HLCS: variants seen among roughly 807,000 people sequenced by gnomAD.
HLCS encodes holocarboxylase synthetase.
Under a neutral mutation model 75.0 loss-of-function variants are expected in HLCS, and 53 were observed. The ratio of observed to expected loss-of-function variants is 0.71; its 90% CI spans 0.57 to 0.89. HLCS has a LOEUF of 0.89. Ranked by LOEUF, HLCS falls within the 40% of genes least tolerant of loss-of-function variation. The pLI, the probability that HLCS is intolerant of heterozygous loss-of-function variation, is 0.00. For synonymous variants in HLCS, 431 were observed against 428.6 expected, an observed-to-expected ratio of 1.01 and a Z score of -0.07; for missense variants, 966 against 1,074.0, an observed-to-expected ratio of 0.90 and a Z score of 1.41.
intron 6 of HLCS, among the ~76,000 whole-genome samples, chr21:36,789,858 A>G (rs2060805241): frequency 6.6e-6 from 1 of 152,218 alleles, no homozygotes; most frequent in Non-Finnish European, 1.5e-5. Context: ...TATTCCATTG[A>G]GTGAGTGTGT....
At chr21:36,961,123 T>C (rs986248117) in intron 2 of HLCS, among the ~76,000 whole-genome samples, 5 of 152,172 alleles carry the variant, frequency 3.3e-5, no homozygotes, top group Non-Finnish European at 4.4e-5. Flanking sequence ...TTTGGGATTT[T>C]CTCTCTTTGA....
At chr21:36,876,232 A>G (rs918990415) in intron 6 of HLCS, among the ~76,000 whole-genome samples, 1 of 152,208 alleles carries the variant, frequency 6.6e-6, no homozygotes, top group Admixed American at 6.5e-5. Flanking sequence ...GAATGAGCCC[A>G]GCAGGCCCGA....
intron 6 of HLCS, among the ~76,000 whole-genome samples, chr21:36,853,479 G>A (rs2063082927): frequency 6.6e-6 from 1 of 152,086 alleles, no homozygotes; most frequent in African/African-American, 2.4e-5. Context: ...TTAAAACATG[G>A]GATAAAATAC....
At chr21:36,849,737 G>A (rs62223829) in intron 6 of HLCS, among the ~76,000 whole-genome samples, 11,931 of 152,214 alleles carry the variant, frequency 0.078, 668 homozygotes, top group Non-Finnish European at 0.12. Context: ...CCTTCCCCTC[G>A]GCATTGAGAG....
chr21:36,919,448 C>T (rs1356863441), intron 5 of HLCS, among the ~76,000 whole-genome samples: 2 of 152,124 alleles, frequency 1.3e-5, no homozygotes, highest in Admixed American at 6.5e-5. Context: ...CTGAGTTGAA[C>T]GATGGAGAAG....
At position 36,753,912 on chromosome 21, in the gene HLCS, T is replaced by C. The variant is rs886057073; in HGVS notation, c.*334A>G. 1.2e-5 allele frequency: 5 copies of C among 402,238 alleles called. No individual in the cohort carries two copies. Among genetic ancestry groups the C allele is most frequent in the African/African-American group, 8.2e-5 (4 of 48,816 alleles). 24.9% of individuals were successfully genotyped at this position (402,238 alleles called of 1,614,324 possible). Reference sequence around the variant, plus strand: ...GACTAGGGGTAAAGGTCTGCACTACTAAGAAAATATCTGAATTTTCCCATT... The same window carrying C: ...GACTAGGGGTAAAGGTCTGCACTACCAAGAAAATATCTGAATTTTCCCATT... On this transcript the variant is annotated 3_prime_UTR_variant, in exon 11 of 11. Coordinates refer to ENST00000674895, the MANE Select transcript of HLCS (RefSeq NM_001352514.2). The surrounding 1 kb of genome is among the most constrained non-coding windows in gnomAD (Gnocchi z 4.3).
chr21:36,894,982 G>A (rs753741403), intron 6 of HLCS, among the ~76,000 whole-genome samples: 6 of 151,980 alleles, frequency 3.9e-5, no homozygotes, highest in African/African-American at 9.7e-5. Context: ...AGCCCTCTGC[G>A]GATGTGCGGG....
intron 6 of HLCS, among the ~76,000 whole-genome samples, chr21:36,788,784 G>A (rs946069746): frequency 3.3e-5 from 5 of 152,164 alleles, no homozygotes; most frequent in Admixed American, 2.6e-4. Context: ...TGACTCTCAC[G>A]TCCTAGACAC....
At chr21:36,893,074 T>G (rs919407451) in intron 6 of HLCS, among the ~76,000 whole-genome samples, 1 of 151,820 alleles carries the variant, frequency 6.6e-6, no homozygotes, top group South Asian at 2.1e-4. Flanking sequence ...AAAAAAAGTA[T>G]CCCACTTTTT....
At chr21:36,791,105 G>A (rs2060847776) in intron 6 of HLCS, among the ~76,000 whole-genome samples, 1 of 152,178 alleles carries the variant, frequency 6.6e-6, no homozygotes, top group South Asian at 2.1e-4. Flanking sequence ...GAAAAAAACA[G>A]CAACATATAG....
intron 5 of HLCS, among the ~76,000 whole-genome samples, chr21:36,914,162 T>C (rs1274954159): frequency 2.0e-5 from 3 of 152,196 alleles, no homozygotes; most frequent in African/African-American, 4.8e-5. Flanking sequence ...AGCCCAGGGA[T>C]GGGCCGACAG....
At chr21:36,811,091 C>A (rs1001302121) in intron 6 of HLCS, among the ~76,000 whole-genome samples, 1 of 152,150 alleles carries the variant, frequency 6.6e-6, no homozygotes, top group Admixed American at 6.5e-5. Context: ...TTTTGAAGTA[C>A]CTACACATTA....
chr21:36,919,638 A>G (rs1416901924), intron 5 of HLCS, among the ~76,000 whole-genome samples: 1 of 152,242 alleles, frequency 6.6e-6, no homozygotes, highest in African/African-American at 2.4e-5. Flanking sequence ...TTAAAAGACA[A>G]GTTAGCACAC....
intron 5 of HLCS, among the ~76,000 whole-genome samples, chr21:36,915,130 T>C (rs954625413): frequency 1.1e-4 from 17 of 152,240 alleles, no homozygotes; most frequent in Non-Finnish European, 1.9e-4. Flanking sequence ...CCTGGGCTTC[T>C]TGTGGGGGCA....
chr21:36,798,092 G>C (rs1201190267), intron 6 of HLCS, among the ~76,000 whole-genome samples: 5 of 152,202 alleles, frequency 3.3e-5, no homozygotes, highest in Admixed American at 3.3e-4. Flanking sequence ...ACCTTGGCAA[G>C]GAACGATCCG....
intron 2 of HLCS, among the ~76,000 whole-genome samples, chr21:36,952,563 G>A (rs1361221864): frequency 6.6e-6 from 1 of 152,110 alleles, no homozygotes; most frequent in East Asian, 1.9e-4. Context: ...GGAGGCCAAG[G>A]CGGGCAGATC....
At chr21:36,899,025 C>T (rs1247435898) in intron 5 of HLCS, among the ~76,000 whole-genome samples, 2 of 152,226 alleles carry the variant, frequency 1.3e-5, no homozygotes, top group African/African-American at 4.8e-5. Flanking sequence ...GGCGCCACTG[C>T]ACTCCAGCCT....
In HLCS at chr21:36,896,274, C is replaced by G. The variant is rs114759233; in HGVS notation, c.1892+586G>C. 7.2e-3 allele frequency among the ~76,000 whole-genome samples: 1,092 copies of G among 152,306 alleles called. 12 individuals carry two copies. The highest frequency in any genetic ancestry group is 0.025 in the African/African-American group (1,054 of 41,578). ...CTGAGGCAGGAGCAACCCTTGAGCT[C>G]AGAAGGTCGAGGCTGCAGTGAGCTG... On this transcript the variant is annotated intron_variant, in intron 6 of 10. Coordinates refer to ENST00000674895, the MANE Select transcript of HLCS (RefSeq NM_001352514.2).
intron 5 of HLCS, among the ~76,000 whole-genome samples, chr21:36,906,207 T>C (rs1221045125): frequency 6.6e-6 from 1 of 152,152 alleles, no homozygotes; most frequent in Non-Finnish European, 1.5e-5. Flanking sequence ...ACCTGTTTAC[T>C]GAAAACTACA....
Sources: gnomAD v4.1 joint callset for allele counts (sites outside exome capture counted in the v4.1 genomes callset) on GRCh38, gnomAD v4.1.1 for gene constraint, Gnocchi (gnomAD v3.1) non-coding constraint, MANE v1.5 for transcripts, NCBI Gene and HGNC (gene_info 2026-07-23, HGNC 2026-07-21) for gene names.